Variants in USP34 observed in about 807,000 individuals in gnomAD.
USP34 encodes the protein ubiquitin specific peptidase 34.
Under a neutral mutation model 460.3 loss-of-function variants are expected in USP34, and 70 were observed. The observed-to-expected ratio is 0.15, with a 90% CI of 0.13 to 0.19. The LOEUF is 0.19. Among genes scored for constraint, USP34 ranks in the 10% least tolerant of loss-of-function variants. The pLI is 1.00. For missense variants in USP34, 3,985 were observed against 4,236.2 expected, an observed-to-expected ratio of 0.94 and a Z score of 1.65; for synonymous variants, 1,647 against 1,405.3, an observed-to-expected ratio of 1.17 and a Z score of -3.85.
intron 1 of USP34, among the ~76,000 whole-genome samples, chr2:61,425,426 C>T (rs1694483617): frequency 6.6e-6 from 1 of 152,116 alleles, no homozygotes; most frequent in Non-Finnish European, 1.5e-5. Context: ...AGGCCTGGTG[C>T]CTAGAGCCTC....
At chr2:61,461,793 T>C (rs1014939731) in intron 1 of USP34, among the ~76,000 whole-genome samples, 3 of 152,218 alleles carry the variant, frequency 2.0e-5, no homozygotes, top group Non-Finnish European at 4.4e-5. Context: ...TTTATATTTT[T>C]TGACACAGTA....
intron 10 of USP34, among the ~76,000 whole-genome samples, chr2:61,356,140 TA>T (rs1692094658): frequency 6.7e-6 from 1 of 148,820 alleles, no homozygotes; most frequent in African/African-American, 2.5e-5. Context: ...AGCCAGGATG[TA>T]AAAGCAGCCC....
chr2:61,232,309 A>C, intron 58 of USP34, 143 bp downstream of exon 58: 2 of 693,132 alleles, frequency 2.9e-6, no homozygotes, highest in Non-Finnish European at 2.4e-6. Context: ...AACCAACAAC[A>C]AAATGACTTT....
chr2:61,215,704 CAAT>C (rs1472526660), intron 67 of USP34, among the ~76,000 whole-genome samples: 11 of 152,118 alleles, frequency 7.2e-5, no homozygotes, highest in African/African-American at 1.2e-4. Flanking sequence ...CCTTGAGAAA[CAAT>C]GATGATGATA....
chr2:61,245,457 TTA>T (rs1299007960), intron 50 of USP34, among the ~76,000 whole-genome samples, 169 bp from the exon 51 acceptor site: 1 of 151,614 alleles, frequency 6.6e-6, no homozygotes, highest in East Asian at 1.9e-4. Flanking sequence ...AAATATAATT[TTA>T]TAACATATTC....
At chr2:61,198,553 T>C (rs1298574953) in intron 75 of USP34, among the ~76,000 whole-genome samples, 3 of 149,498 alleles carry the variant, frequency 2.0e-5, no homozygotes, top group Admixed American at 1.3e-4. Flanking sequence ...CCCTATCTGA[T>C]AGACTTTTTT....
Position 61,314,945 on chromosome 2 carries a change from A to T in USP34, c.3312T>A (p.Ile1104=). The T allele has an allele frequency of 1.2e-6, 2 of 1,613,866 alleles. No individual in the cohort carries two copies. Among genetic ancestry groups the T allele is most frequent in the Non-Finnish European group, 1.7e-6 (2 of 1,179,884 alleles). The change falls in exon 24 of 80, where the codon ATT becomes ATA. Residue 1104 remains isoleucine (I), a synonymous_variant. Coordinates refer to ENST00000398571, the MANE Select transcript of USP34 (RefSeq NM_014709.4). The part of the protein sequence containing the change: ...ELCGMDQFWG[I]ALRAQSGDVS... ...CATCACCAGATTGTGCTCTTAAAGC[A>T]ATGCCCCAAAATTGGTCCATACCAC...
chr2:61,372,778 T>C (rs1191290298), intron 8 of USP34, among the ~76,000 whole-genome samples: 5 of 152,114 alleles, frequency 3.3e-5, no homozygotes, highest in Non-Finnish European at 5.9e-5. Flanking sequence ...GACAGTACCA[T>C]TAATAACCAC....
At chr2:61,269,353 A>T (rs1274299315) in intron 41 of USP34, among the ~76,000 whole-genome samples, 1 of 146,792 alleles carries the variant, frequency 6.8e-6, no homozygotes, top group African/African-American at 2.5e-5. Context: ...TTTAATAGAG[A>T]CAGGGTTTCA....
At chr2:61,222,985 C>T in intron 64 of USP34, 75 bp downstream of exon 64, 1 of 1,321,410 alleles carries the variant, frequency 7.6e-7, no homozygotes, top group Non-Finnish European at 1.0e-6. Flanking sequence ...GCATGAGCCA[C>T]CGCACTCGGC....
At chr2:61,442,436 A>G (rs966515981) in intron 1 of USP34, among the ~76,000 whole-genome samples, 4 of 151,574 alleles carry the variant, frequency 2.6e-5, no homozygotes, top group African/African-American at 4.8e-5. Flanking sequence ...AAATCCAATT[A>G]AAAATGCACA....
chr2:61,351,347 C>A (rs1691937164), intron 10 of USP34, among the ~76,000 whole-genome samples: 1 of 151,912 alleles, frequency 6.6e-6, no homozygotes, highest in African/African-American at 2.4e-5. Flanking sequence ...TTATAAAGAT[C>A]TATAAAATAA....
chr2:61,405,232 C>CAA (rs199659618), intron 3 of USP34, among the ~76,000 whole-genome samples: 18 of 78,052 alleles, frequency 2.3e-4, no homozygotes, highest in African/African-American at 3.0e-4. Context: ...GACTCCATCT[C>CAA]AAAAAAAAAA....
intron 3 of USP34, among the ~76,000 whole-genome samples, chr2:61,399,874 C>CAAAAAAAAAAAAAAAAAAAAAAAAA (rs529141667): frequency 5.7e-5 from 4 of 69,984 alleles, no homozygotes; most frequent in Non-Finnish European, 7.7e-5. Flanking sequence ...CACTGTCTCC[C>CAAAAAAAAAAAAAAAAAAAAAAAAA]AAAAAAAAAA....
At position 61,370,196 on chromosome 2, in the gene USP34, G is replaced by C. The variant is rs1335900765; in HGVS notation, c.1251+125C>G. The C allele has an allele frequency of 4.4e-6, 4 of 915,324 alleles. No homozygotes were observed. In the African/African-American group the frequency reaches 6.7e-5, roughly 15 times the overall value. 56.7% of individuals were successfully genotyped at this position (915,324 alleles called of 1,614,324 possible). ...ACATGGACTCGGAAGCCAGATTTCA[G>C]TCCCAGCTTGTCCATGTCTTGGTCT... On this transcript the variant is annotated intron_variant, in intron 10 of 79. Transcript: ENST00000398571.
intron 67 of USP34, among the ~76,000 whole-genome samples, chr2:61,218,701 G>C (rs1340381442): frequency 2.0e-5 from 3 of 151,908 alleles, no homozygotes; most frequent in Non-Finnish European, 4.4e-5. Context: ...CAGTTTCAAG[G>C]AATACTGGTC....
intron 1 of USP34, among the ~76,000 whole-genome samples, chr2:61,466,221 T>C (rs1695758606): frequency 6.6e-6 from 1 of 151,744 alleles, no homozygotes; most frequent in Non-Finnish European, 1.5e-5. Flanking sequence ...GTTCAAGAGT[T>C]CAAGACCAGC....
chr2:61,218,664 G>C (rs551265268), intron 67 of USP34, among the ~76,000 whole-genome samples: 27 of 151,908 alleles, frequency 1.8e-4, no homozygotes, highest in African/African-American at 6.0e-4. Context: ...CAGTTTCTTA[G>C]ATTTTCCTTG....
intron 3 of USP34, among the ~76,000 whole-genome samples, chr2:61,398,255 TACTC>T (rs962060431): frequency 2.1e-4 from 32 of 152,080 alleles, no homozygotes; most frequent in African/African-American, 7.2e-4. Context: ...TTGTCCCAGA[TACTC>T]AGGAGGCTGA....
Sources: gnomAD v4.1 joint callset for allele counts (sites outside exome capture counted in the v4.1 genomes callset) on GRCh38, gnomAD v4.1.1 for gene constraint, MANE v1.5 for transcripts, NCBI Gene and HGNC (gene_info 2026-07-23, HGNC 2026-07-21) for gene names.